GPC6: variants seen among roughly 807,000 people sequenced by gnomAD.
GPC6 encodes the protein glypican 6.
Under a neutral mutation model 55.2 loss-of-function variants are expected in GPC6, and 14 were observed. The ratio of observed to expected loss-of-function variants is 0.25; its 90% CI spans 0.17 to 0.40. GPC6 has a LOEUF of 0.40. GPC6 is among the 10% of genes least tolerant of loss of function. GPC6 has a pLI of 1.00. For missense variants in GPC6, 641 were observed against 708.5 expected (o/e 0.90, Z 1.08); for synonymous variants, 278 against 259.6 (o/e 1.07, Z -0.68).
At chr13:94,139,529 G>A (rs2138878297) in intron 4 of GPC6, among the ~76,000 whole-genome samples, 1 of 152,242 alleles carries the variant, frequency 6.6e-6, no homozygotes, top group Non-Finnish European at 1.5e-5. Context: ...GTATCTTGTA[G>A]ATCTAGCGCA....
chr13:93,878,455 C>A (rs1874739932), intron 3 of GPC6, among the ~76,000 whole-genome samples: 1 of 148,810 alleles, frequency 6.7e-6, no homozygotes, highest in South Asian at 2.1e-4. Context: ...TGGCTCACTA[C>A]AACAACCACC....
At chr13:94,250,315 C>T (rs1594097734) in intron 4 of GPC6, among the ~76,000 whole-genome samples, 6 of 152,030 alleles carry the variant, frequency 3.9e-5, no homozygotes, top group Non-Finnish European at 1.5e-5. Context: ...ATCAAGAGAT[C>T]AAATACAGTT....
intron 3 of GPC6, among the ~76,000 whole-genome samples, chr13:93,861,514 G>C (rs79131802): frequency 3.3e-5 from 5 of 151,390 alleles, no homozygotes; most frequent in Non-Finnish European, 5.9e-5. Flanking sequence ...TAGATAGGAC[G>C]GGCAAATAAC....
intron 4 of GPC6, among the ~76,000 whole-genome samples, chr13:94,032,631 T>C (rs1883184077): frequency 6.6e-6 from 1 of 152,202 alleles, no homozygotes. Flanking sequence ...ATGAGATTTG[T>C]GTTATTTTTC....
chr13:93,288,278 A>G (rs190118271), intron 1 of GPC6, among the ~76,000 whole-genome samples: 18 of 152,280 alleles, frequency 1.2e-4, no homozygotes, highest in Admixed American at 2.0e-4. Context: ...TGTAATTTCA[A>G]GTGTGGATAT....
intron 1 of GPC6, among the ~76,000 whole-genome samples, chr13:93,432,249 G>T (rs1343123850): frequency 1.3e-5 from 2 of 152,194 alleles, no homozygotes; most frequent in Non-Finnish European, 2.9e-5. Context: ...CTGTGAACCT[G>T]AGGGGTAGGT....
chr13:93,641,399 C>A (rs1324298028), intron 2 of GPC6, among the ~76,000 whole-genome samples: 4 of 152,080 alleles, frequency 2.6e-5, no homozygotes, highest in African/African-American at 9.7e-5. Flanking sequence ...GCAGGGGTTT[C>A]ACTTGTGGCC....
intron 1 of GPC6, among the ~76,000 whole-genome samples, chr13:93,443,263 G>A (rs1877871878): frequency 1.3e-5 from 2 of 152,162 alleles, no homozygotes; most frequent in South Asian, 4.1e-4. Flanking sequence ...CATATTTGAT[G>A]TATGGAGTCA....
At chr13:93,396,909 AT>A (rs1875880614) in intron 1 of GPC6, among the ~76,000 whole-genome samples, 1 of 152,064 alleles carries the variant, frequency 6.6e-6, no homozygotes, top group African/African-American at 2.4e-5. Flanking sequence ...ACCTTCCCTT[AT>A]TATGCAACTT....
intron 4 of GPC6, among the ~76,000 whole-genome samples, chr13:94,034,198 AAAGAAGGAAGGAAGGAAGGAAGG>A: frequency 1.0e-5 from 1 of 99,276 alleles, no homozygotes; most frequent in Middle Eastern, 5.5e-3. Context: ...AGAAAGAAAG[AAAGAAGGAAGGAAGGAAGGAAGG>A]AAGGAAGGAA....
At position 93,375,348 on chromosome 13, in the gene GPC6, T is replaced by C. The variant is rs1359297853; in HGVS notation, c.160+147732T>C. Reference sequence around the variant, plus strand: ...TTATTCCATCAGCATTGAGGACTGCTTAAAGAACTTGTATTTTCCAATCTG... The same window carrying C: ...TTATTCCATCAGCATTGAGGACTGCCTAAAGAACTTGTATTTTCCAATCTG... On this transcript the variant is annotated intron_variant, in intron 1 of 8. Transcript: ENST00000377047. Among the ~76,000 whole-genome samples the C allele has an allele frequency of 2.0e-5, 3 of 150,872 alleles. No homozygotes were observed. The East Asian group carries it at 5.8e-4, about 29-fold the overall frequency.
chr13:94,387,691 A>G (rs888408690), intron 7 of GPC6, among the ~76,000 whole-genome samples: 7 of 151,520 alleles, frequency 4.6e-5, no homozygotes, highest in African/African-American at 1.5e-4. Context: ...TGCAGCCCTC[A>G]TTAATGGGAT....
intron 2 of GPC6, among the ~76,000 whole-genome samples, chr13:93,581,449 C>G (rs1010036982): frequency 6.6e-6 from 1 of 152,020 alleles, no homozygotes; most frequent in Non-Finnish European, 1.5e-5. Flanking sequence ...TGGCTCATGC[C>G]CTAATCCCAA....
intron 4 of GPC6, among the ~76,000 whole-genome samples, chr13:94,082,167 C>G (rs1011411445): frequency 6.6e-6 from 1 of 151,934 alleles, no homozygotes; most frequent in Non-Finnish European, 1.5e-5. Context: ...AATTCTCTTA[C>G]AAAAAAAGAT....
chr13:93,861,933 A>G (rs566161962), intron 3 of GPC6, among the ~76,000 whole-genome samples: 3 of 151,680 alleles, frequency 2.0e-5, no homozygotes, highest in South Asian at 4.1e-4. Flanking sequence ...CCCCTTCAGT[A>G]AGATAAGGAG....
chr13:93,929,423 G>A (rs572021450), intron 3 of GPC6, among the ~76,000 whole-genome samples: 126 of 152,162 alleles, frequency 8.3e-4, no homozygotes, highest in African/African-American at 2.8e-3. Flanking sequence ...CTCAAGTGGC[G>A]TATATCATCA....
At chr13:94,343,928 A>T (rs1878161647) in intron 6 of GPC6, among the ~76,000 whole-genome samples, 1 of 152,098 alleles carries the variant, frequency 6.6e-6, no homozygotes, top group Non-Finnish European at 1.5e-5. Context: ...ACCAGGTCTC[A>T]CTATGTTGCC....
chr13:93,631,155 G>A (rs1879412180), intron 2 of GPC6, among the ~76,000 whole-genome samples: 1 of 151,950 alleles, frequency 6.6e-6, no homozygotes, highest in Non-Finnish European at 1.5e-5. Context: ...GGGTTTACTG[G>A]GTGAAAAGGA....
At chr13:94,177,395 C>T (rs1028926202) in intron 4 of GPC6, among the ~76,000 whole-genome samples, 17 of 151,414 alleles carry the variant, frequency 1.1e-4, no homozygotes, top group Non-Finnish European at 2.1e-4. Context: ...CTTTTAAAAG[C>T]ATGATACGTT....
Sources: gnomAD v4.1 joint callset for allele counts (sites outside exome capture counted in the v4.1 genomes callset) on GRCh38, gnomAD v4.1.1 for gene constraint, MANE v1.5 for transcripts, NCBI Gene and HGNC (gene_info 2026-07-23, HGNC 2026-07-21) for gene names.